The following UNC13C variants were observed in gnomAD, a reference collection of about 807,000 sequenced individuals.
The protein encoded by UNC13C is protein unc-13 homolog C.
A neutral mutation model predicts 245.4 loss-of-function variants in UNC13C; 174 were observed. The observed-to-expected ratio is 0.71, with a 90% CI of 0.63 to 0.80. The LOEUF is 0.80. Among genes scored for constraint, UNC13C ranks in the 30% least tolerant of loss-of-function variants. UNC13C has a pLI of 0.00. For missense variants in UNC13C, 2,829 were observed against 2,602.9 expected, an observed-to-expected ratio of 1.09 and a Z score of -1.89; for synonymous variants, 992 against 895.1, an observed-to-expected ratio of 1.11 and a Z score of -1.93.
chr15:54,435,193 C>T (rs569933701), intron 19 of UNC13C, among the ~76,000 whole-genome samples: 2 of 152,114 alleles, frequency 1.3e-5, no homozygotes, highest in South Asian at 2.1e-4. Flanking sequence ...AGATCTAGAA[C>T]CAGAAATACC....
intron 13 of UNC13C, among the ~76,000 whole-genome samples, chr15:54,306,651 T>A (rs1307439670): frequency 6.6e-6 from 1 of 152,026 alleles, no homozygotes; most frequent in East Asian, 1.9e-4. Context: ...AAATACATTT[T>A]CTTGAGTGTT....
chr15:54,123,881 A>G (rs1308094789), intron 2 of UNC13C, among the ~76,000 whole-genome samples: 1 of 152,156 alleles, frequency 6.6e-6, no homozygotes, highest in African/African-American at 2.4e-5. Flanking sequence ...GCTCCTGGCA[A>G]CTGCTAATGT....
chr15:54,528,841 C>T (rs1320822333), intron 25 of UNC13C, among the ~76,000 whole-genome samples: 1 of 152,170 alleles, frequency 6.6e-6, no homozygotes, highest in Non-Finnish European at 1.5e-5. Context: ...TTGCCTTCCT[C>T]TTCTATTGCC....
chr15:53,990,938 A>G (rs1894360050), intron 1 of UNC13C, among the ~76,000 whole-genome samples: 1 of 152,050 alleles, frequency 6.6e-6, no homozygotes, highest in African/African-American at 2.4e-5. Flanking sequence ...TAGGTCCTAT[A>G]TAATGACAGA....
In UNC13C at chr15:54,206,239, C is replaced by G. The variant is rs146810345; in HGVS notation, c.3072-28791C>G. Reference sequence around the variant, plus strand: ...TCCTGTAACAGTTTCTCTCCCTTCTCTTTGCACTAGTCACTTACAACCCAT... The same window carrying G: ...TCCTGTAACAGTTTCTCTCCCTTCTGTTTGCACTAGTCACTTACAACCCAT... On this transcript the variant is annotated intron_variant, in intron 4 of 32. Transcript: ENST00000260323. Among the ~76,000 whole-genome samples, 1,279 of 152,100 alleles carry G rather than the reference C, an allele frequency of 8.4e-3. 20 individuals are homozygous for G. The highest frequency in any genetic ancestry group is 0.03 in the African/African-American group (1,235 of 41,536).
At chr15:54,431,807 T>G (rs1596365614) in intron 19 of UNC13C, among the ~76,000 whole-genome samples, 1 of 151,670 alleles carries the variant, frequency 6.6e-6, no homozygotes, top group East Asian at 1.9e-4. Context: ...AAGATCATTT[T>G]AAAAATCTAC....
At chr15:54,523,381 A>T (rs150187388) in intron 24 of UNC13C, among the ~76,000 whole-genome samples, 1 of 152,196 alleles carries the variant, frequency 6.6e-6, no homozygotes, top group Non-Finnish European at 1.5e-5. Flanking sequence ...ACTGAAACTA[A>T]AACTTTTCCT....
chr15:54,378,280 T>G (rs1167838715), intron 17 of UNC13C, among the ~76,000 whole-genome samples: 1 of 152,252 alleles, frequency 6.6e-6, no homozygotes, highest in East Asian at 1.9e-4. Flanking sequence ...CCAGAGTTTG[T>G]TATCTTTGTT....
Position 54,219,469 on chromosome 15 carries a change from A to G in UNC13C, c.3072-15561A>G, listed in dbSNP as rs2035151241. On this transcript the variant is annotated intron_variant, in intron 4 of 32. Coordinates refer to ENST00000260323, the MANE Select transcript of UNC13C (RefSeq NM_001080534.3). ...TAATTCAAGATGGATTAAAGACTTAAATGTTAGACCTAAAACCATAAAAAC... is the reference window on the plus strand; with the variant it reads ...TAATTCAAGATGGATTAAAGACTTAGATGTTAGACCTAAAACCATAAAAAC... Among the ~76,000 whole-genome samples, 3 of 151,898 alleles carry G rather than the reference A, an allele frequency of 2.0e-5. No individual in the cohort carries two copies. The South Asian group carries it at 6.2e-4, about 32-fold the overall frequency.
At chr15:54,590,241 C>A (rs976235844) in intron 30 of UNC13C, among the ~76,000 whole-genome samples, 16 of 152,226 alleles carry the variant, frequency 1.1e-4, no homozygotes, top group Admixed American at 9.2e-4. Flanking sequence ...CAGATTTGTT[C>A]TTTTTCCTTA....
the UNC13C span, among the ~76,000 whole-genome samples, chr15:53,881,357 C>T: frequency 6.6e-6 from 1 of 152,144 alleles, no homozygotes; most frequent in Non-Finnish European, 1.5e-5. Flanking sequence ...TCAAAGTGGC[C>T]ATTAAGTATC....
chr15:54,622,113 A>G (rs959181016), intron 30 of UNC13C, among the ~76,000 whole-genome samples: 1 of 152,194 alleles, frequency 6.6e-6, no homozygotes, highest in Non-Finnish European at 1.5e-5. Context: ...TGCAGGCCCA[A>G]TGACATTTTA....
rs79690656 is a variant in UNC13C, at chr15:54,498,529, G to T, written c.5061-1550G>T. On this transcript the variant is annotated intron_variant, in intron 20 of 32. Transcript: ENST00000260323. Reference sequence around the variant, plus strand: ...AATTTTGTAGAATGCAGCTAAAACAGGAAGTAGATGAAAATTCAAAATGTT... The same window carrying T: ...AATTTTGTAGAATGCAGCTAAAACATGAAGTAGATGAAAATTCAAAATGTT... Among the ~76,000 whole-genome samples, 466 of 152,132 alleles carry T rather than the reference G, an allele frequency of 3.1e-3. 2 individuals are homozygous for T. Among genetic ancestry groups the T allele is most frequent in the African/African-American group, 0.011 (452 of 41,522 alleles).
chr15:54,055,691 A>C (rs1334040124), intron 2 of UNC13C, among the ~76,000 whole-genome samples: 1 of 152,162 alleles, frequency 6.6e-6, no homozygotes, highest in Non-Finnish European at 1.5e-5. Flanking sequence ...CTTTGCATAG[A>C]TGGTGTTTTA....
At chr15:54,226,893 C>A (rs1349036655) in intron 4 of UNC13C, among the ~76,000 whole-genome samples, 1 of 152,158 alleles carries the variant, frequency 6.6e-6, no homozygotes, top group African/African-American at 2.4e-5. Flanking sequence ...AGACCCCTGG[C>A]TCAGGGAGTC....
the UNC13C span, among the ~76,000 whole-genome samples, chr15:53,940,463 C>T: frequency 1.3e-5 from 2 of 152,006 alleles, no homozygotes; most frequent in Non-Finnish European, 2.9e-5. Context: ...GATGTTCTGG[C>T]TAGGGTAATC....
intron 28 of UNC13C, among the ~76,000 whole-genome samples, chr15:54,551,158 C>G (rs1896718866): frequency 6.6e-6 from 1 of 152,138 alleles, no homozygotes; most frequent in Admixed American, 6.6e-5. Flanking sequence ...CAGATACTCA[C>G]TGCCTCTCAA....
At chr15:54,010,213 G>A (rs557151136) in intron 1 of UNC13C, among the ~76,000 whole-genome samples, 107 of 152,242 alleles carry the variant, frequency 7.0e-4, no homozygotes, top group African/African-American at 2.5e-3. Flanking sequence ...CAAACAGTAT[G>A]AGTCTATTAT....
the UNC13C span, among the ~76,000 whole-genome samples, chr15:53,908,102 A>T: frequency 2.0e-5 from 3 of 146,642 alleles, no homozygotes; most frequent in Admixed American, 2.1e-4. Context: ...ATTTCTTATA[A>T]ATGTCAACGT....
Sources: gnomAD v4.1 joint callset for allele counts (sites outside exome capture counted in the v4.1 genomes callset) on GRCh38, gnomAD v4.1.1 for gene constraint, MANE v1.5 for transcripts, NCBI Gene and HGNC (gene_info 2026-07-23, HGNC 2026-07-21) for gene names.